Variants in FAM135B observed in about 807,000 individuals in gnomAD.
The protein encoded by FAM135B is family with sequence similarity 135 member B.
In FAM135B, 43 loss-of-function variants were observed where a neutral mutation model predicts 127.7. The ratio of observed to expected loss-of-function variants is 0.34; its 90% confidence interval spans 0.26 to 0.43. The LOEUF (loss-of-function observed/expected upper bound fraction) is 0.43. Among genes scored for constraint, FAM135B ranks in the 20% least tolerant of loss-of-function variants. FAM135B has a pLI of 1.00. For synonymous variants in FAM135B, 670 were observed against 665.1 expected, an observed-to-expected ratio of 1.01 and a Z score of -0.11; for missense variants, 1,558 against 1,725.6, an observed-to-expected ratio of 0.90 and a Z score of 1.72.
At chr8:138,300,996 C>T (rs1157663667) in intron 3 of FAM135B, among the ~76,000 whole-genome samples, 4 of 151,950 alleles carry the variant, frequency 2.6e-5, no homozygotes, top group African/African-American at 9.7e-5. Flanking sequence ...GTGATCTGCC[C>T]ACCTCGGCCT....
chr8:138,141,957 CCT>C lies in FAM135B; in HGVS notation c.3639-610_3639-609del, dbSNP rs1436513800. Among the ~76,000 whole-genome samples, 1 of 152,168 alleles carries C rather than the reference CCT, an allele frequency of 6.6e-6. No individual in the cohort carries two copies. The highest frequency in any genetic ancestry group is 1.5e-5 in the Non-Finnish European group (1 of 68,032). On this transcript the variant is annotated intron_variant, in intron 16 of 19. Transcript: ENST00000395297. This position sits in a 1 kb window ranked among gnomAD's most constrained non-coding sequence, Gnocchi z 4.7. ...TTATATGAGAGGCTATACCTCCCCA[CCT>C]CTACTCATGATGAGCATAAAACCAT... is the stretch of plus-strand genomic sequence containing the variant.
At chr8:138,244,286 T>C (rs1821112915) in intron 6 of FAM135B, among the ~76,000 whole-genome samples, 1 of 152,032 alleles carries the variant, frequency 6.6e-6, no homozygotes, top group Non-Finnish European at 1.5e-5. Flanking sequence ...GAGAGCAATT[T>C]ATGATGCAAA....
chr8:138,266,999 C>A (rs1282315183), intron 3 of FAM135B, among the ~76,000 whole-genome samples: 1 of 152,100 alleles, frequency 6.6e-6, no homozygotes, highest in Non-Finnish European at 1.5e-5. Context: ...GTAAATTTTA[C>A]ACCAGATGAA....
At chr8:138,448,791 G>A (rs1199349347) in intron 1 of FAM135B, among the ~76,000 whole-genome samples, 1 of 149,792 alleles carries the variant, frequency 6.7e-6, no homozygotes, top group East Asian at 1.9e-4. Flanking sequence ...TAACACAGGG[G>A]GAAAAAAAAA....
At position 138,314,921 on chromosome 8, in the gene FAM135B, T is replaced by C. The variant is rs148996584; in HGVS notation, c.78-4001A>G. Among the ~76,000 whole-genome samples the C allele has an allele frequency of 6.3e-4, 93 of 147,068 alleles. 2 individuals are homozygous for C. The highest frequency in any genetic ancestry group is 2.0e-3 in the African/African-American group (81 of 40,318). On this transcript the variant is annotated intron_variant, in intron 2 of 19. Coordinates refer to ENST00000395297, the MANE Select transcript of FAM135B (RefSeq NM_015912.4). The stretch of plus-strand genomic sequence containing the variant: ...AAAAAAATTCGAAGGGCATTTTTTA[T>C]ACAAATAGAGAAAATAGTTCTAAAA...
chr8:138,226,151 G>A (rs1193568180), intron 7 of FAM135B, among the ~76,000 whole-genome samples: 1 of 35,066 alleles, frequency 2.9e-5, no homozygotes. Context: ...GGGACCCACC[G>A]TGTGTGTGTG....
Position 138,241,047 on chromosome 8 carries a change from G to C in FAM135B, c.669+1895C>G, listed in dbSNP as rs1349706871. The stretch of plus-strand genomic sequence containing the variant: ...AATGGGGTCTACTGAAACTCTGGGT[G>C]CCAGCCCACGTGGGGGCTGAAGGAA... On this transcript the variant is annotated intron_variant, in intron 7 of 19. Coordinates refer to ENST00000395297, the MANE Select transcript of FAM135B (RefSeq NM_015912.4). The surrounding 1 kb of genome is among the most constrained non-coding windows in gnomAD (Gnocchi z 4.8). 5.9e-5 allele frequency among the ~76,000 whole-genome samples: 9 copies of C among 152,128 alleles called. No individual in the cohort carries two copies. Among genetic ancestry groups the C allele is most frequent in the Non-Finnish European group, 1.2e-4 (8 of 68,036 alleles).
intron 1 of FAM135B, among the ~76,000 whole-genome samples, chr8:138,463,337 G>A (rs1434300223): frequency 2.6e-5 from 4 of 152,208 alleles, no homozygotes; most frequent in Non-Finnish European, 5.9e-5. Flanking sequence ...GACAGGGCCA[G>A]CCAGGAGTTA....
chr8:138,152,117 C>A lies in FAM135B; in HGVS notation c.2358G>T (p.Ala786=), dbSNP rs182844278. The A allele has an allele frequency of 6.2e-7, 1 of 1,613,816 alleles. No homozygotes were observed. Among genetic ancestry groups the A allele is most frequent in the Non-Finnish European group, 8.5e-7 (1 of 1,180,012 alleles). ...AACCTCCATCTTGCTGCTTGGTGTC[C>A]GCATCTTCAGCAGCCTCCTCTGGGC... ...ISSPEEAAED[A]DTKQQDGGFA... Residue 786 remains alanine, a synonymous_variant, in exon 13 of 20, where the codon GCG becomes GCT. Transcript: ENST00000395297.
chr8:138,471,246 A>G (rs907107504), intron 1 of FAM135B, among the ~76,000 whole-genome samples: 1 of 152,038 alleles, frequency 6.6e-6, no homozygotes, highest in Non-Finnish European at 1.5e-5. Context: ...TCTTTATGAA[A>G]CTGCAAAGCC....
intron 7 of FAM135B, among the ~76,000 whole-genome samples, chr8:138,210,172 T>C (rs1818029586): frequency 6.6e-6 from 1 of 152,178 alleles, no homozygotes; most frequent in Non-Finnish European, 1.5e-5. Context: ...ATTGTGTCTG[T>C]CTCTACTTTG....
intron 6 of FAM135B, among the ~76,000 whole-genome samples, chr8:138,247,453 T>G (rs1039940015): frequency 6.6e-6 from 1 of 152,238 alleles, no homozygotes; most frequent in African/African-American, 2.4e-5. Context: ...TTTATCCTTT[T>G]GCTCAGCACT....
chr8:138,258,168 T>A (rs964526302), intron 4 of FAM135B, among the ~76,000 whole-genome samples: 1 of 152,212 alleles, frequency 6.6e-6, no homozygotes, highest in African/African-American at 2.4e-5. Context: ...ATAGAAAGTA[T>A]CAATGCATCT....
At chr8:138,171,135 G>A (rs1033058100) in intron 11 of FAM135B, among the ~76,000 whole-genome samples, 1 of 152,094 alleles carries the variant, frequency 6.6e-6, no homozygotes, top group Non-Finnish European at 1.5e-5. Flanking sequence ...GGGACTTCTT[G>A]GTCTCCACAA....
chr8:138,362,796 A>G (rs1208577217), intron 2 of FAM135B, among the ~76,000 whole-genome samples: 1 of 152,212 alleles, frequency 6.6e-6, no homozygotes, highest in Non-Finnish European at 1.5e-5. Flanking sequence ...TTTTCTATGT[A>G]TATGTCAGCC....
intron 2 of FAM135B, among the ~76,000 whole-genome samples, chr8:138,351,403 C>T (rs1017248682): frequency 2.4e-4 from 37 of 152,084 alleles, no homozygotes; most frequent in African/African-American, 8.7e-4. Context: ...AGGTAGAACA[C>T]TATGTGAAGG....
intron 2 of FAM135B, among the ~76,000 whole-genome samples, chr8:138,340,276 G>A (rs1235113407): frequency 6.6e-6 from 1 of 152,002 alleles, no homozygotes. Context: ...AGAACAATAC[G>A]AACGATACAA....
At chr8:138,265,110 C>T (rs1260311114) in intron 4 of FAM135B, among the ~76,000 whole-genome samples, 1 of 152,128 alleles carries the variant, frequency 6.6e-6, no homozygotes, top group African/African-American at 2.4e-5. Context: ...TGCAATGATG[C>T]TGTTTCCCCT....
intron 4 of FAM135B, among the ~76,000 whole-genome samples, chr8:138,262,618 C>T (rs191324504): frequency 3.6e-4 from 55 of 151,962 alleles, no homozygotes; most frequent in African/African-American, 1.2e-3. Context: ...AAGCAACTAA[C>T]GGCTGGGCGC....
Sources: allele counts gnomAD v4.1 joint callset (sites outside exome capture counted in the v4.1 genomes callset), GRCh38; gene constraint gnomAD v4.1.1; non-coding constraint Gnocchi (gnomAD v3.1); transcripts MANE v1.5; gene names NCBI Gene and HGNC (gene_info 2026-07-23, HGNC 2026-07-21).